Variants in MEIS2 observed in about 807,000 individuals in gnomAD.
The protein encoded by MEIS2 is homeobox protein Meis2.
MEIS2 carries 9 observed loss-of-function variants against 58.6 expected under a neutral mutation model. The ratio of observed to expected loss-of-function variants is 0.15; its 90% CI spans 0.09 to 0.27. The LOEUF (loss-of-function observed/expected upper bound fraction) is 0.27, where lower values mean the gene tolerates loss of function less well. Among genes scored for constraint, MEIS2 ranks in the 10% least tolerant of loss-of-function variants. MEIS2 has a pLI of 1.00. For missense variants in MEIS2, 427 were observed against 635.0 expected, an observed-to-expected ratio of 0.67 and a Z score of 3.52; for synonymous variants, 221 against 228.4, an observed-to-expected ratio of 0.97 and a Z score of 0.29.
chr15:37,029,004 G>A (rs1169368641), intron 8 of MEIS2, among the ~76,000 whole-genome samples: 2 of 151,918 alleles, frequency 1.3e-5, no homozygotes, highest in African/African-American at 4.8e-5. Flanking sequence ...GCATGTCCAC[G>A]GGAAAATAAA....
At chr15:36,947,013 T>A (rs529093443) in intron 9 of MEIS2, among the ~76,000 whole-genome samples, 1 of 152,166 alleles carries the variant, frequency 6.6e-6, no homozygotes, top group African/African-American at 2.4e-5. Flanking sequence ...ACGCGTGTAC[T>A]TTGGTTGTTT....
intron 7 of MEIS2, among the ~76,000 whole-genome samples, chr15:37,081,602 T>A (rs1366127035): frequency 6.6e-6 from 1 of 152,216 alleles, no homozygotes; most frequent in Non-Finnish European, 1.5e-5. Context: ...CTCTTATATA[T>A]GTGTTTTAAT....
chr15:36,897,737 A>T (rs761199556), intron 9 of MEIS2: 1 of 152,218 alleles, frequency 6.6e-6, no homozygotes, highest in Non-Finnish European at 1.5e-5. Context: ...AGCAGGGAGC[A>T]TCCAGCTAGC....
intron 8 of MEIS2, among the ~76,000 whole-genome samples, chr15:37,016,543 GAAGTA>G (rs1272288370): frequency 6.6e-6 from 1 of 152,100 alleles, no homozygotes; most frequent in East Asian, 1.9e-4. Context: ...AGGGATCAGT[GAAGTA>G]AGAATAAGAA....
intron 6 of MEIS2, among the ~76,000 whole-genome samples, chr15:37,085,602 G>A (rs905650520): frequency 6.6e-6 from 1 of 152,102 alleles, no homozygotes; most frequent in Non-Finnish European, 1.5e-5. Context: ...AATGATACTG[G>A]CACTGCTATC....
intron 11 of MEIS2, among the ~76,000 whole-genome samples, chr15:36,893,956 A>G (rs2056027341): frequency 4.6e-5 from 7 of 152,206 alleles, no homozygotes; most frequent in Admixed American, 3.9e-4. Flanking sequence ...CAAAGGATAT[A>G]TCTTGTTGGC....
intron 8 of MEIS2, among the ~76,000 whole-genome samples, chr15:37,009,744 A>G (rs1258299437): frequency 1.3e-5 from 2 of 152,238 alleles, no homozygotes; most frequent in African/African-American, 4.8e-5. Flanking sequence ...TCACTTCTTC[A>G]GTCTGCTATT....
At chr15:36,902,557 C>T (rs2141242306) in intron 9 of MEIS2, among the ~76,000 whole-genome samples, 1 of 152,300 alleles carries the variant, frequency 6.6e-6, no homozygotes. Flanking sequence ...CATTACCGTC[C>T]CCATTCCTGT....
chr15:36,908,278 G>A (rs896463714), intron 9 of MEIS2, among the ~76,000 whole-genome samples: 7 of 152,142 alleles, frequency 4.6e-5, no homozygotes, highest in Admixed American at 2.6e-4. Context: ...CAAAATTTTC[G>A]GCATCATCCC....
intron 7 of MEIS2, among the ~76,000 whole-genome samples, chr15:37,080,714 C>T (rs1318000018): frequency 6.6e-6 from 1 of 152,128 alleles, no homozygotes; most frequent in African/African-American, 2.4e-5. Context: ...TTTTCTTCCT[C>T]CGTCTAATGT....
At chr15:37,054,508 C>A (rs538082494) in intron 7 of MEIS2, among the ~76,000 whole-genome samples, 2 of 152,318 alleles carry the variant, frequency 1.3e-5, no homozygotes, top group Non-Finnish European at 2.9e-5. Flanking sequence ...CCTCAACTTC[C>A]CAGGCTTAAG....
At chr15:36,970,428 T>TTG (rs1445511425) in intron 8 of MEIS2, among the ~76,000 whole-genome samples, 10 of 151,092 alleles carry the variant, frequency 6.6e-5, no homozygotes, top group Non-Finnish European at 1.2e-4. Flanking sequence ...GTGCAAACAT[T>TTG]TGTGTGTGTG....
chr15:36,977,831 A>C (rs1434030036), intron 8 of MEIS2, among the ~76,000 whole-genome samples: 5 of 152,210 alleles, frequency 3.3e-5, no homozygotes, highest in Non-Finnish European at 5.9e-5. Flanking sequence ...ACAGGCCACC[A>C]CACAGTGAAG....
rs1217901635 is a variant in MEIS2, at chr15:37,099,260, GCA to G, written c.12+193_12+194del. ...CGCGCCCAGACACGCACACACGCACGCACACACACTCGCACACACGCAGAGGC... is the reference window on the plus strand; with the variant it reads ...CGCGCCCAGACACGCACACACGCACGCACACACTCGCACACACGCAGAGGC... On this transcript the variant is annotated intron_variant, in intron 1 of 11. Coordinates refer to ENST00000561208, the MANE Select transcript of MEIS2 (RefSeq NM_170675.5). 2.8e-6 allele frequency: 4 copies of G among 1,447,980 alleles called. No homozygotes were observed. The African/African-American group carries it at 4.3e-5, about 16-fold the overall frequency. The allele number at this position is 1,447,980 out of a possible 1,614,324, so 89.7% of individuals were successfully genotyped here.
chr15:37,029,839 C>T (rs76049863), intron 8 of MEIS2, among the ~76,000 whole-genome samples: 2,667 of 152,168 alleles, frequency 0.018, 76 homozygotes, highest in African/African-American at 0.06. Flanking sequence ...CTAAGGCTTC[C>T]AAGTTCACAG....
At chr15:36,901,904 G>A (rs2056493479) in intron 9 of MEIS2, among the ~76,000 whole-genome samples, 1 of 152,130 alleles carries the variant, frequency 6.6e-6, no homozygotes. Context: ...ACTCTACTTT[G>A]AGCATGCCCT....
intron 8 of MEIS2, among the ~76,000 whole-genome samples, chr15:36,954,001 T>C (rs564241373): frequency 3.9e-5 from 6 of 152,322 alleles, no homozygotes; most frequent in African/African-American, 1.4e-4. Context: ...AACCAATTTA[T>C]CATAAACTTT....
At chr15:37,026,156 GA>G (rs1027767550) in intron 8 of MEIS2, among the ~76,000 whole-genome samples, 9 of 151,784 alleles carry the variant, frequency 5.9e-5, no homozygotes, top group African/African-American at 1.9e-4. Context: ...TCACCATGGG[GA>G]AAAAAAATAA....
At chr15:36,972,897 C>T (rs1370421341) in intron 8 of MEIS2, 2 of 152,134 alleles carry the variant, frequency 1.3e-5, no homozygotes, top group Non-Finnish European at 1.5e-5. Context: ...TTGAAACTGC[C>T]TCTATTGCTT....
Sources: allele counts gnomAD v4.1 joint callset (sites outside exome capture counted in the v4.1 genomes callset), GRCh38; gene constraint gnomAD v4.1.1; transcripts MANE v1.5; gene names NCBI Gene and HGNC (gene_info 2026-07-23, HGNC 2026-07-21).